COG4: variants seen among roughly 807,000 people sequenced by gnomAD.
The protein encoded by COG4 is conserved oligomeric Golgi complex subunit 4.
COG4 carries 65 observed loss-of-function variants against 95.1 expected under a neutral mutation model. The observed-to-expected ratio is 0.68, with a 90% CI of 0.56 to 0.84. The LOEUF is 0.84. COG4 is among the 40% of genes least tolerant of loss of function. The pLI is 0.00. For synonymous variants in COG4, 421 were observed against 374.8 expected (o/e 1.12, Z -1.42); for missense variants, 1,045 against 989.1 (o/e 1.06, Z -0.76).
At chr16:70,515,012 CT>C (rs545289187) in intron 3 of COG4, among the ~76,000 whole-genome samples, 213 of 140,356 alleles carry the variant, frequency 1.5e-3, no homozygotes, top group Middle Eastern at 0.015. Context: ...CAGAGCCCAA[CT>C]TTTTTTTTTT....
Position 70,508,389 on chromosome 16 carries a change from G to C in COG4, c.1061+17C>G. The C allele has an allele frequency of 2.1e-5, 33 of 1,608,098 alleles. No individual in the cohort carries two copies. The highest frequency in any genetic ancestry group is 2.7e-5 in the Non-Finnish European group (32 of 1,174,550). ...ATTCAAACTCCTGTGGGCTGAAGAA[G>C]AGAGAAGGATTATTACCTTGGTTCG... On this transcript the variant is annotated intron_variant, in intron 8 of 18. Transcript: ENST00000323786.
chr16:70,509,164 A>C, intron 7 of COG4, 67 bp downstream of exon 7: 1 of 1,595,640 alleles, frequency 6.3e-7, no homozygotes, highest in Non-Finnish European at 8.6e-7. Context: ...AAACCCTACA[A>C]TTTATTCTAC....
At chr16:70,491,018 G>T (rs969866218) in intron 12 of COG4, among the ~76,000 whole-genome samples, 15 of 152,072 alleles carry the variant, frequency 9.9e-5, no homozygotes, top group Non-Finnish European at 1.6e-4. Context: ...AGGCATACAG[G>T]TCCAGGATAA....
chr16:70,496,191 T>A, intron 12 of COG4, 75 bp downstream of exon 12: 1 of 1,519,732 alleles, frequency 6.6e-7, no homozygotes, highest in South Asian at 1.1e-5. Flanking sequence ...AGAGGCCAAT[T>A]ATACTGTGGC....
intron 8 of COG4, among the ~76,000 whole-genome samples, chr16:70,503,307 G>A (rs1001565493): frequency 3.9e-5 from 6 of 152,078 alleles, no homozygotes; most frequent in Non-Finnish European, 5.9e-5. Context: ...CCACCTCTGC[G>A]TCCCAAAGTG....
At chr16:70,505,654 C>T (rs1173640142) in intron 8 of COG4, among the ~76,000 whole-genome samples, 1 of 150,226 alleles carries the variant, frequency 6.7e-6, no homozygotes, top group South Asian at 2.1e-4. Flanking sequence ...ACGGTGAAAC[C>T]CCGTCTCTAC....
At chr16:70,497,115 T>G (rs1206314829) in intron 11 of COG4, 106 bp downstream of exon 11, 2 of 1,131,832 alleles carry the variant, frequency 1.8e-6, no homozygotes, top group African/African-American at 3.1e-5. Flanking sequence ...ATGTCCTGTA[T>G]AGAACTTAAC....
At chr16:70,490,163 C>T (rs2049214857) in intron 13 of COG4, among the ~76,000 whole-genome samples, 167 bp downstream of exon 13, 1 of 152,218 alleles carries the variant, frequency 6.6e-6, no homozygotes, top group Admixed American at 6.5e-5. Context: ...CTGAGCTTTT[C>T]TCCCTGGTCC....
At chr16:70,516,248 T>A (rs2151762902) in intron 3 of COG4, among the ~76,000 whole-genome samples, 1 of 152,272 alleles carries the variant, frequency 6.6e-6, no homozygotes, top group African/African-American at 2.4e-5. Context: ...TCATAGTATA[T>A]AATCCTCTTT....
At chr16:70,486,788 A>G (rs1371053458) in intron 13 of COG4, among the ~76,000 whole-genome samples, 1 of 150,746 alleles carries the variant, frequency 6.6e-6, no homozygotes, top group African/African-American at 2.4e-5. Context: ...CGAGGTGAAG[A>G]GATCAAGACC....
At chr16:70,510,320 T>A (rs1252579637) in intron 5 of COG4, among the ~76,000 whole-genome samples, 1 of 152,168 alleles carries the variant, frequency 6.6e-6, no homozygotes, top group Non-Finnish European at 1.5e-5. Flanking sequence ...AGGGTAACTT[T>A]CTATTATTTT....
chr16:70,482,671 G>T, intron 15 of COG4, 58 bp downstream of exon 15: 1 of 1,404,634 alleles, frequency 7.1e-7, no homozygotes, highest in Non-Finnish European at 1.0e-6. Context: ...GCTCCCTCTA[G>T]CTGGGGCTAG....
chr16:70,487,981 C>T (rs1597659322), intron 13 of COG4, among the ~76,000 whole-genome samples: 1 of 151,960 alleles, frequency 6.6e-6, no homozygotes, highest in Non-Finnish European at 1.5e-5. Context: ...TGCACCACCA[C>T]AACCGGCTAA....
At chr16:70,518,569 G>T (rs1482409272) in intron 2 of COG4, among the ~76,000 whole-genome samples, 4 of 151,894 alleles carry the variant, frequency 2.6e-5, no homozygotes, top group African/African-American at 9.7e-5. Flanking sequence ...TTGAGACAGG[G>T]TCAAAAGTGA....
intron 3 of COG4, among the ~76,000 whole-genome samples, chr16:70,515,581 G>A (rs2049804555): frequency 6.6e-6 from 1 of 152,134 alleles, no homozygotes; most frequent in African/African-American, 2.4e-5. Flanking sequence ...CTACTCGGGA[G>A]GCTGAGACAG....
In COG4 at chr16:70,481,114, T is replaced by G. The variant is rs372160853; in HGVS notation, c.2266A>C (p.Asn756His). The change falls in exon 19 of 19, where the codon AAT (asparagine) becomes CAT (histidine). Residue 756 changes from asparagine to histidine, a missense_variant. Physicochemically the swap from Asn to His is moderately conservative, Grantham distance 68. Coordinates refer to ENST00000323786, the MANE Select transcript of COG4 (RefSeq NM_015386.3). ...VTEILDYWGP[N>H]SGPLTWRLTP... ...AGGCGCCACGTCAATGGGCCGGAAT[T>G]GGGTCCCCAGTAATCGAGGATCTCG... 15 of 1,613,504 alleles carry G rather than the reference T, an allele frequency of 9.3e-6. No individual in the cohort carries two copies. The highest frequency in any genetic ancestry group is 1.3e-5 in the African/African-American group (1 of 75,028).
At chr16:70,483,057 T>C (rs1182176723) in intron 14 of COG4, among the ~76,000 whole-genome samples, 1 of 50,066 alleles carries the variant, frequency 2.0e-5, no homozygotes, top group Non-Finnish European at 3.5e-5. Flanking sequence ...TCCCCACTCC[T>C]TCCCTCTCTT....
intron 14 of COG4, 22 bp downstream of exon 14, chr16:70,483,831 A>T (rs374190971): frequency 2.6e-6 from 4 of 1,519,510 alleles, no homozygotes; most frequent in Non-Finnish European, 3.7e-6. Flanking sequence ...GGATTCAGTC[A>T]GCAGTTGAAC....
At position 70,497,974 on chromosome 16, in the gene COG4, G is replaced by T; in HGVS notation, c.1277C>A (p.Thr426Asn). 1 of 1,611,680 alleles carries T rather than the reference G, an allele frequency of 6.2e-7. No individual in the cohort carries two copies. Among genetic ancestry groups the T allele is most frequent in the Non-Finnish European group, 8.5e-7 (1 of 1,177,848 alleles). ...CTCCCTCATGAAGTACTCCTCCATG[G>T]TAACATATAAGCCAATTAGCTCCTG... ...TMQELIGLYV[T>N]MEEYFMRETV... Residue 426 changes from threonine to asparagine, a missense_variant, in exon 10 of 19, where the codon ACC becomes AAC. Transcript: ENST00000323786.
Sources: gnomAD v4.1 joint callset for allele counts (sites outside exome capture counted in the v4.1 genomes callset) on GRCh38, gnomAD v4.1.1 for gene constraint, MANE v1.5 for transcripts, NCBI Gene and HGNC (gene_info 2026-07-23, HGNC 2026-07-21) for gene names.